The following CSMD3 variants were observed in gnomAD, a reference collection of about 807,000 sequenced individuals.
CSMD3 encodes CUB and Sushi multiple domains 3.
A neutral mutation model predicts 435.2 loss-of-function variants in CSMD3; 177 were observed. That is an observed-to-expected ratio of 0.41 (90% CI 0.36 to 0.46). The LOEUF is 0.46. Among genes scored for constraint, CSMD3 ranks in the 20% least tolerant of loss-of-function variants. CSMD3 has a pLI of 0.34. For missense variants in CSMD3, 4,265 were observed against 4,504.6 expected (o/e 0.95, Z 1.52); for synonymous variants, 1,656 against 1,520.5 (o/e 1.09, Z -2.07).
chr8:112,973,040 G>A (rs1170034685), intron 7 of CSMD3, among the ~76,000 whole-genome samples: 1 of 151,902 alleles, frequency 6.6e-6, no homozygotes, highest in Non-Finnish European at 1.5e-5. Flanking sequence ...AATAAATTGT[G>A]TTTTGCAAAA....
At position 112,224,660 on chromosome 8, in the gene CSMD3, G is replaced by A. The variant is rs1563653164; in HGVS notation, c.*111C>T. ...CTTCTGTATCATTCCTCAGGAAAAG[G>A]TGACCCAGCAAGTCCTGAAAAGTGT... is the stretch of plus-strand genomic sequence containing the variant. On this transcript the variant is annotated 3_prime_UTR_variant, in exon 71 of 71. Transcript: ENST00000297405. 2.9e-6 allele frequency: 3 copies of A among 1,021,016 alleles called. No individual in the cohort carries two copies. Among genetic ancestry groups the A allele is most frequent in the East Asian group, 4.8e-5 (2 of 42,042 alleles). 63.2% of individuals were successfully genotyped at this position (1,021,016 alleles called of 1,614,324 possible). A position where few individuals can be genotyped will look rare whatever the true frequency, so the allele number is the denominator to read the frequency against.
intron 9 of CSMD3, among the ~76,000 whole-genome samples, chr8:112,926,323 AAGG>A (rs1412825083): frequency 6.6e-6 from 1 of 152,026 alleles, no homozygotes; most frequent in Non-Finnish European, 1.5e-5. Flanking sequence ...ATGAAATGAC[AAGG>A]AGGACAAGCT....
At chr8:113,020,155 G>T (rs2086634893) in intron 5 of CSMD3, among the ~76,000 whole-genome samples, 1 of 125,954 alleles carries the variant, frequency 7.9e-6, no homozygotes, top group South Asian at 2.7e-4. Context: ...GGGCGACAGA[G>T]CGAGACTCCG....
chr8:112,550,133 G>A (rs752131244), intron 27 of CSMD3, among the ~76,000 whole-genome samples: 7 of 151,814 alleles, frequency 4.6e-5, no homozygotes, highest in Non-Finnish European at 7.4e-5. Context: ...CAAGAACACT[G>A]GTAATTACTT....
chr8:112,875,957 C>A (rs574538061), intron 10 of CSMD3, among the ~76,000 whole-genome samples: 1 of 152,178 alleles, frequency 6.6e-6, no homozygotes, highest in Admixed American at 6.6e-5. Flanking sequence ...GTTTTGTTCC[C>A]TTGCTGGAGA....
chr8:112,964,067 A>G (rs1321287079), intron 7 of CSMD3, among the ~76,000 whole-genome samples: 1 of 151,944 alleles, frequency 6.6e-6, no homozygotes, highest in East Asian at 1.9e-4. Flanking sequence ...TAGGTACTCT[A>G]TGTGTACTAT....
At chr8:112,399,553 T>C (rs1196373264) in intron 35 of CSMD3, among the ~76,000 whole-genome samples, 1 of 152,066 alleles carries the variant, frequency 6.6e-6, no homozygotes, top group Non-Finnish European at 1.5e-5. Flanking sequence ...CTGTGCCTGG[T>C]CCCGATTTCC....
At chr8:112,303,586 C>CA (rs535973154) in intron 52 of CSMD3, among the ~76,000 whole-genome samples, 221 of 149,522 alleles carry the variant, frequency 1.5e-3, no homozygotes, top group African/African-American at 3.7e-3. Flanking sequence ...ACAAAAACAA[C>CA]AAAAAAAAAT....
At chr8:112,309,484 T>C (rs1296922778) in intron 50 of CSMD3, among the ~76,000 whole-genome samples, 1 of 151,980 alleles carries the variant, frequency 6.6e-6, no homozygotes, top group African/African-American at 2.4e-5. Context: ...AATTCTATTA[T>C]GAAATTTGAC....
intron 5 of CSMD3, among the ~76,000 whole-genome samples, chr8:113,048,774 C>T (rs2087953662): frequency 6.6e-6 from 1 of 152,062 alleles, no homozygotes; most frequent in Non-Finnish European, 1.5e-5. Flanking sequence ...TTCCCTTGTC[C>T]TGTGTCTACC....
At chr8:112,924,562 G>C (rs2082852508) in intron 9 of CSMD3, among the ~76,000 whole-genome samples, 1 of 151,704 alleles carries the variant, frequency 6.6e-6, no homozygotes, top group Non-Finnish European at 1.5e-5. Flanking sequence ...TGTTTCTTTT[G>C]ATTATAGAAA....
chr8:112,261,730 C>T (rs746268110), intron 61 of CSMD3, among the ~76,000 whole-genome samples: 1 of 151,904 alleles, frequency 6.6e-6, no homozygotes, highest in Non-Finnish European at 1.5e-5. Context: ...CTAAATAATA[C>T]CAACTAGTTT....
intron 59 of CSMD3, among the ~76,000 whole-genome samples, chr8:112,278,040 C>T (rs1818252056): frequency 6.6e-6 from 1 of 152,162 alleles, no homozygotes; most frequent in South Asian, 2.1e-4. Context: ...AGAGTCTTAC[C>T]ATGTGGGTAA....
intron 13 of CSMD3, among the ~76,000 whole-genome samples, chr8:112,782,851 C>G (rs1249115453): frequency 6.6e-6 from 1 of 151,916 alleles, no homozygotes; most frequent in Non-Finnish European, 1.5e-5. Context: ...TGAAAATAAC[C>G]TTCAAACATG....
chr8:112,285,255 A>T (rs1819066972), intron 58 of CSMD3, among the ~76,000 whole-genome samples: 1 of 152,104 alleles, frequency 6.6e-6, no homozygotes, highest in African/African-American at 2.4e-5. Flanking sequence ...TCACCTACAC[A>T]ATGTTGCATG....
At chr8:113,174,859 T>C (rs940643727) in intron 3 of CSMD3, among the ~76,000 whole-genome samples, 1 of 151,852 alleles carries the variant, frequency 6.6e-6, no homozygotes, top group Non-Finnish European at 1.5e-5. Context: ...AGTCAGTAGT[T>C]AATAGTATTG....
Position 112,921,614 on chromosome 8 carries a change from T to C in CSMD3, c.1633+13A>G. 6.2e-7 allele frequency: 1 copy of C among 1,608,820 alleles called. No homozygotes were observed. On this transcript the variant is annotated intron_variant, in intron 10 of 70. Coordinates refer to ENST00000297405, the MANE Select transcript of CSMD3 (RefSeq NM_198123.2). Reference sequence around the variant, plus strand: ...TTAAAATGTGTTCAGAGGGCATTATTATAAAACATTACCTTTACACACAGG... The same window carrying C: ...TTAAAATGTGTTCAGAGGGCATTATCATAAAACATTACCTTTACACACAGG...
chr8:113,191,573 A>C (rs1564409715), intron 3 of CSMD3, among the ~76,000 whole-genome samples: 2 of 151,480 alleles, frequency 1.3e-5, no homozygotes, highest in East Asian at 1.9e-4. Flanking sequence ...CAAAAAAAAA[A>C]CAAAACAAAA....
At chr8:112,892,949 AG>A (rs1476520441) in intron 10 of CSMD3, among the ~76,000 whole-genome samples, 1 of 151,494 alleles carries the variant, frequency 6.6e-6, no homozygotes, top group Non-Finnish European at 1.5e-5. Flanking sequence ...GCAGATTTAG[AG>A]CAATTGTTTG....
Sources: allele counts gnomAD v4.1 joint callset (sites outside exome capture counted in the v4.1 genomes callset), GRCh38; gene constraint gnomAD v4.1.1; transcripts MANE v1.5; gene names NCBI Gene and HGNC (gene_info 2026-07-23, HGNC 2026-07-21).